Variants in MARK4 observed in about 807,000 individuals in gnomAD.
MARK4 encodes the protein MAP/microtubule affinity-regulating kinase 4.
MARK4 carries 19 observed loss-of-function variants against 81.5 expected under a neutral mutation model. The ratio of observed to expected loss-of-function variants is 0.23; its 90% CI spans 0.16 to 0.34. The LOEUF (loss-of-function observed/expected upper bound fraction) is 0.34. Ranked by LOEUF, MARK4 falls within the 10% of genes least tolerant of loss-of-function variation. The probability of loss-of-function intolerance (pLI) is 1.00; values close to 1 mark genes in which losing one functional copy is unlikely to be tolerated. For missense variants in MARK4, 772 were observed against 1,058.8 expected (o/e 0.73, Z 3.76); for synonymous variants, 436 against 439.0 (o/e 0.99, Z 0.08).
intron 13 of MARK4, among the ~76,000 whole-genome samples, chr19:45,292,838 C>T (rs191754054): frequency 2.0e-5 from 3 of 152,126 alleles, no homozygotes; most frequent in Admixed American, 6.5e-5. Flanking sequence ...CCCCACTGCA[C>T]TCCAGCCTAG....
rs111274736 is a variant in MARK4 at position 45,265,629 on chromosome 19, G to A, written c.493-596G>A. 1.3e-3 allele frequency among the ~76,000 whole-genome samples: 195 copies of A among 150,308 alleles called. 2 individuals are homozygous for A. Among genetic ancestry groups the A allele is most frequent in the African/African-American group, 4.4e-3 (179 of 40,876 alleles). On this transcript the variant is annotated intron_variant, in intron 6 of 16. Coordinates refer to ENST00000262891, the MANE Select transcript of MARK4 (RefSeq NM_001199867.2). Reference sequence around the variant, plus strand: ...TATGTGCAGGTGTGAGGGTGCCCAGGTGTGGGGTAAGAGGAGATGCAGGTA... The same window carrying A: ...TATGTGCAGGTGTGAGGGTGCCCAGATGTGGGGTAAGAGGAGATGCAGGTA...
chr19:45,267,826 A>G (rs1371000051), intron 7 of MARK4, among the ~76,000 whole-genome samples: 2 of 143,798 alleles, frequency 1.4e-5, no homozygotes, highest in Non-Finnish European at 3.2e-5. Context: ...AAGCCTGGCT[A>G]ATTTTTGAGT....
chr19:45,280,572 C>A lies in MARK4; in HGVS notation c.1117-3C>A. 1 of 1,613,778 alleles carries A rather than the reference C, an allele frequency of 6.2e-7. No homozygotes were observed. The highest frequency in any genetic ancestry group is 8.5e-7 in the Non-Finnish European group (1 of 1,179,816). On this transcript the variant is annotated splice_polypyrimidine_tract_variant and splice_region_variant and intron_variant, in intron 11 of 16. Coordinates refer to ENST00000262891, the MANE Select transcript of MARK4 (RefSeq NM_001199867.2). Reference sequence around the variant, plus strand: ...AAGAGCCTCATCTGTCATCCTCTCGCAGGAGGGTGGGGACCGGGGCGCCCC... The same window carrying A: ...AAGAGCCTCATCTGTCATCCTCTCGAAGGAGGGTGGGGACCGGGGCGCCCC...
intron 2 of MARK4, among the ~76,000 whole-genome samples, chr19:45,262,148 T>G (rs896301772): frequency 6.6e-5 from 10 of 152,128 alleles, no homozygotes; most frequent in Admixed American, 1.3e-4. Flanking sequence ...TGCCTCAGTT[T>G]CCCTGTTGGT....
In MARK4 at chr19:45,274,887, G is replaced by A. The variant is rs1373342008; in HGVS notation, c.787-3036G>A. 3.3e-5 allele frequency among the ~76,000 whole-genome samples: 5 copies of A among 152,188 alleles called. No individual in the cohort carries two copies. In the East Asian group the frequency reaches 9.6e-4, roughly 29 times the overall value. On this transcript the variant is annotated intron_variant, in intron 8 of 16. Coordinates refer to ENST00000262891, the MANE Select transcript of MARK4 (RefSeq NM_001199867.2). ...CACAGCTGAGAAGAGGCAGGTTCTAGCTCTGTCATTTCCTTTCTGAGTGAC... is the reference window on the plus strand; with the variant it reads ...CACAGCTGAGAAGAGGCAGGTTCTAACTCTGTCATTTCCTTTCTGAGTGAC...
At position 45,297,871 on chromosome 19, in the gene MARK4, C is replaced by T. The variant is rs2123109789; in HGVS notation, c.1794C>T (p.Ala598=). ...GGCCCCCTGCCTCTCCCACACTGGC[C>T]CATGAGGCTGCACCCCTGCCCGCCG... ...QNGPPASPTL[A]HEAAPLPAGR... The change falls in exon 15 of 17, where the codon GCC becomes GCT. Residue 598 remains alanine, a synonymous_variant. Coordinates refer to ENST00000262891, the MANE Select transcript of MARK4 (RefSeq NM_001199867.2). The T allele has an allele frequency of 1.3e-6, 2 of 1,549,902 alleles. No homozygotes were observed. Among genetic ancestry groups the T allele is most frequent in the Non-Finnish European group, 1.7e-6 (2 of 1,146,844 alleles).
At chr19:45,298,847 G>A (rs1015497845) in intron 15 of MARK4, among the ~76,000 whole-genome samples, 4 of 152,014 alleles carry the variant, frequency 2.6e-5, no homozygotes, top group East Asian at 1.9e-4. Context: ...AGGCTGAGGC[G>A]AGGGGATCAC....
At chr19:45,277,307 A>G (rs1024230634) in intron 8 of MARK4, among the ~76,000 whole-genome samples, 1 of 151,752 alleles carries the variant, frequency 6.6e-6, no homozygotes. Context: ...CGAACTCCTG[A>G]CCTCAGGCGA....
At chr19:45,288,259 T>C (rs1034833761) in intron 13 of MARK4, 2 of 145,690 alleles carry the variant, frequency 1.4e-5, no homozygotes, top group African/African-American at 5.1e-5. Flanking sequence ...TTAATAGTAA[T>C]TTAAAAAATC....
In MARK4 at chr19:45,300,005, G is replaced by C. The variant is rs367893382; in HGVS notation, c.1922+150G>C. ...CCTGTGGCCCCAGCCTTCTCTGCCA[G>C]CTCCTCTCATTCCCACCCAACCCCA... On this transcript the variant is annotated intron_variant, in intron 16 of 16. Coordinates refer to ENST00000262891, the MANE Select transcript of MARK4 (RefSeq NM_001199867.2). 3.6e-5 allele frequency: 22 copies of C among 614,922 alleles called. No homozygotes were observed. In the African/African-American group the frequency reaches 3.6e-4, roughly 10 times the overall value. The allele number at this position is 614,922 out of a possible 1,614,324, so 38.1% of individuals were successfully genotyped here. A position where few individuals can be genotyped will look rare whatever the true frequency, so the allele number is the denominator to read the frequency against.
intron 2 of MARK4, among the ~76,000 whole-genome samples, chr19:45,262,610 G>A (rs1970394603): frequency 6.6e-6 from 1 of 152,198 alleles, no homozygotes; most frequent in Non-Finnish European, 1.5e-5. Context: ...AGGCAGCTCT[G>A]GAGCAGCGTC....
chr19:45,286,205 G>C (rs1266838295), intron 12 of MARK4, among the ~76,000 whole-genome samples: 1 of 151,872 alleles, frequency 6.6e-6, no homozygotes, highest in African/African-American at 2.4e-5. Context: ...ACAGGTGCAT[G>C]CCACCATGCC....
chr19:45,276,625 T>A (rs1414898455), intron 8 of MARK4, among the ~76,000 whole-genome samples: 1 of 143,308 alleles, frequency 7.0e-6, no homozygotes, highest in Non-Finnish European at 1.5e-5. Flanking sequence ...TTTACAGATT[T>A]TTTTTTTTTT....
intron 12 of MARK4, among the ~76,000 whole-genome samples, chr19:45,283,562 T>C (rs1053859346): frequency 6.6e-6 from 1 of 152,218 alleles, no homozygotes; most frequent in Admixed American, 6.5e-5. Context: ...CTGGCTTCTT[T>C]CATTTAGCAG....
Position 45,263,392 on chromosome 19 carries a change from C to T in MARK4, c.355+25C>T, listed in dbSNP as rs372015946. The T allele has an allele frequency of 2.9e-5, 47 of 1,613,900 alleles. No homozygotes were observed. The African/African-American group carries it at 4.4e-4, about 15-fold the overall frequency. ...GGTGAGGAGGGAATGGGAGCAGGGG[C>T]AGGCCACCAACTGGAACACTTGCAA... On this transcript the variant is annotated intron_variant, in intron 4 of 16. Transcript: ENST00000262891.
intron 6 of MARK4, 62 bp from the exon 7 acceptor site, chr19:45,266,163 C>T: frequency 6.5e-7 from 1 of 1,547,114 alleles, no homozygotes; most frequent in Non-Finnish European, 8.9e-7. Context: ...GTTTCACAGT[C>T]CACTGAGGGA....
chr19:45,261,274 A>G (rs1970377151), intron 2 of MARK4, among the ~76,000 whole-genome samples: 1 of 152,202 alleles, frequency 6.6e-6, no homozygotes, highest in Non-Finnish European at 1.5e-5. Context: ...TTACAGGCCA[A>G]TCTGGTGAAC....
chr19:45,296,495 G>A (rs191242613), intron 14 of MARK4, among the ~76,000 whole-genome samples: 5 of 152,280 alleles, frequency 3.3e-5, no homozygotes, highest in East Asian at 3.9e-4. Context: ...TTGTAAAGGC[G>A]TCACCCAGAG....
Position 45,278,434 on chromosome 19 carries a change from G to T in MARK4, c.907-82G>T, listed in dbSNP as rs560453851. The stretch of plus-strand genomic sequence containing the variant: ...CAATTCTGGGTGTTAGGCCTCGGAG[G>T]TTTGGGGCAGGGCAGAAGCTGTATG... On this transcript the variant is annotated intron_variant, in intron 9 of 16. Coordinates refer to ENST00000262891, the MANE Select transcript of MARK4 (RefSeq NM_001199867.2). 7 of 1,270,102 alleles carry T rather than the reference G, an allele frequency of 5.5e-6. No homozygotes were observed. In the East Asian group the frequency reaches 9.3e-5, roughly 17 times the overall value. The allele number at this position is 1,270,102 out of a possible 1,614,324, so 78.7% of individuals were successfully genotyped here. A position where few individuals can be genotyped will look rare whatever the true frequency, so the allele number is the denominator to read the frequency against.
Sources: allele counts gnomAD v4.1 joint callset (sites outside exome capture counted in the v4.1 genomes callset), GRCh38; gene constraint gnomAD v4.1.1; transcripts MANE v1.5; gene names NCBI Gene and HGNC (gene_info 2026-07-23, HGNC 2026-07-21).